Variants in SLC25A21 observed in about 807,000 individuals in gnomAD.
The protein encoded by SLC25A21 is solute carrier family 25 member 21.
SLC25A21 carries 47 observed loss-of-function variants against 43.8 expected under a neutral mutation model. That is an observed-to-expected ratio of 1.07 (90% CI 0.85 to 1.37). The LOEUF (loss-of-function observed/expected upper bound fraction) is 1.37, where lower values mean the gene tolerates loss of function less well. Among genes scored for constraint, SLC25A21 ranks in the 40% most tolerant of loss-of-function variants. The pLI is 0.00. For synonymous variants in SLC25A21, 131 were observed against 121.3 expected, an observed-to-expected ratio of 1.08 and a Z score of -0.52; for missense variants, 352 against 350.2, an observed-to-expected ratio of 1.00 and a Z score of -0.04.
chr14:36,776,642 G>C (rs967854791), intron 3 of SLC25A21, among the ~76,000 whole-genome samples: 1 of 152,076 alleles, frequency 6.6e-6, no homozygotes, highest in African/African-American at 2.4e-5. Flanking sequence ...TGGAAACACA[G>C]TGACTTTTGA....
chr14:37,015,631 T>C (rs1169314415), intron 1 of SLC25A21, among the ~76,000 whole-genome samples: 2 of 151,546 alleles, frequency 1.3e-5, no homozygotes, highest in Admixed American at 6.6e-5. Context: ...ACTTCCACAA[T>C]GGTTGAACTA....
chr14:37,092,493 T>C (rs752817274), intron 1 of SLC25A21, among the ~76,000 whole-genome samples: 17 of 152,178 alleles, frequency 1.1e-4, no homozygotes, highest in Non-Finnish European at 2.9e-5. Context: ...TAGGGTTTTC[T>C]CGAGGTGGAT....
At chr14:37,091,818 G>A (rs879740645) in intron 1 of SLC25A21, among the ~76,000 whole-genome samples, 1 of 152,110 alleles carries the variant, frequency 6.6e-6, no homozygotes, top group Non-Finnish European at 1.5e-5. Context: ...GAAAGCCTCT[G>A]AGTTATTTCC....
intron 1 of SLC25A21, among the ~76,000 whole-genome samples, chr14:37,167,695 T>G (rs1964052680): frequency 6.6e-6 from 1 of 152,100 alleles, no homozygotes; most frequent in Non-Finnish European, 1.5e-5. Flanking sequence ...ATAACATCAC[T>G]ATTGTGAAGC....
At chr14:36,793,416 C>T (rs191853562) in intron 3 of SLC25A21, among the ~76,000 whole-genome samples, 9 of 151,782 alleles carry the variant, frequency 5.9e-5, no homozygotes, top group Admixed American at 5.9e-4. Context: ...TGCCTCTAAG[C>T]ACTGAGGAAA....
intron 1 of SLC25A21, among the ~76,000 whole-genome samples, chr14:37,072,607 C>T (rs956422566): frequency 2.0e-5 from 3 of 152,146 alleles, no homozygotes; most frequent in African/African-American, 7.2e-5. Context: ...CTTAGTTGGG[C>T]GTGGTGGTGC....
At chr14:36,756,211 G>A (rs1387656888) in intron 3 of SLC25A21, among the ~76,000 whole-genome samples, 2 of 152,192 alleles carry the variant, frequency 1.3e-5, no homozygotes, top group African/African-American at 2.4e-5. Context: ...GGAAGCGGGG[G>A]CAGCTGAGGG....
intron 1 of SLC25A21, among the ~76,000 whole-genome samples, chr14:37,106,798 G>C (rs1962922017): frequency 6.6e-6 from 1 of 152,124 alleles, no homozygotes; most frequent in Admixed American, 6.5e-5. Flanking sequence ...AGGCATCACA[G>C]TCCTACCGAT....
chr14:36,988,908 A>G (rs1326168515), intron 1 of SLC25A21, among the ~76,000 whole-genome samples: 5 of 152,248 alleles, frequency 3.3e-5, no homozygotes, highest in African/African-American at 1.2e-4. Context: ...TAGTTTGATA[A>G]TGATGGGATG....
In SLC25A21 at chr14:36,684,834, T is replaced by C. The variant is rs1389068504; in HGVS notation, c.695A>G (p.Lys232Arg). 4 of 1,614,120 alleles carry C rather than the reference T, an allele frequency of 2.5e-6. No homozygotes were observed. In the South Asian group the frequency reaches 4.4e-5, roughly 18 times the overall value. ...SVINIPFDVA[K>R]SRIQGPQPVP... ...TGGTTGAGGCCCTTGAATCCTACTT[T>C]TGGCAACATCAAAAGGGATGTTAAT... Residue 232 changes from lysine to arginine, a missense_variant, in exon 8 of 10, where the codon AAA becomes AGA. Physicochemically the swap from Lys to Arg is conservative, Grantham distance 26 (BLOSUM62 2). Transcript: ENST00000331299.
chr14:36,698,927 C>T (rs545927900), intron 7 of SLC25A21, among the ~76,000 whole-genome samples: 16 of 152,266 alleles, frequency 1.1e-4, no homozygotes, highest in Non-Finnish European at 2.1e-4. Flanking sequence ...TCTGTCAACT[C>T]GTCAAACTCA....
chr14:37,041,236 T>G (rs1566836268), intron 1 of SLC25A21, among the ~76,000 whole-genome samples: 1 of 152,170 alleles, frequency 6.6e-6, no homozygotes, highest in Non-Finnish European at 1.5e-5. Context: ...AAACTTTCAG[T>G]AACCAAGTGC....
At chr14:36,755,931 G>A (rs1885912037) in intron 3 of SLC25A21, among the ~76,000 whole-genome samples, 2 of 152,274 alleles carry the variant, frequency 1.3e-5, no homozygotes, top group African/African-American at 4.8e-5. Flanking sequence ...TTTTCTGCAT[G>A]GCTGAGCCAA....
chr14:36,869,335 A>G (rs1890300813), intron 2 of SLC25A21, among the ~76,000 whole-genome samples: 1 of 152,210 alleles, frequency 6.6e-6, no homozygotes, highest in South Asian at 2.1e-4. Flanking sequence ...AATTATCAAT[A>G]AGCATAAACC....
intron 7 of SLC25A21, among the ~76,000 whole-genome samples, chr14:36,693,032 G>A (rs908592333): frequency 3.9e-5 from 6 of 152,342 alleles, no homozygotes; most frequent in Admixed American, 3.9e-4. Context: ...CACAATAGGT[G>A]AAGTGGAGGT....
chr14:36,876,384 A>G (rs11621922), intron 1 of SLC25A21, among the ~76,000 whole-genome samples: 66,437 of 152,026 alleles, frequency 0.44, 15,967 homozygotes, highest in Non-Finnish European at 0.52. Flanking sequence ...GCTACAACTA[A>G]TAAGATCCAA....
chr14:37,143,613 TG>T (rs1963608098), intron 1 of SLC25A21, among the ~76,000 whole-genome samples: 1 of 151,952 alleles, frequency 6.6e-6, no homozygotes, highest in Non-Finnish European at 1.5e-5. Flanking sequence ...TGTGTGTGTG[TG>T]TGTGTCTGTA....
At chr14:36,901,768 T>C (rs553500871) in intron 1 of SLC25A21, among the ~76,000 whole-genome samples, 1 of 152,300 alleles carries the variant, frequency 6.6e-6, no homozygotes, top group South Asian at 2.1e-4. Flanking sequence ...CCCAAGGATA[T>C]AGAAAGGCAA....
intron 3 of SLC25A21, among the ~76,000 whole-genome samples, chr14:36,769,972 G>C (rs989242747): frequency 6.6e-6 from 1 of 152,136 alleles, no homozygotes; most frequent in Non-Finnish European, 1.5e-5. Flanking sequence ...CAGAGACTTT[G>C]GTATCTTTGA....
Sources: gnomAD v4.1 joint callset for allele counts (sites outside exome capture counted in the v4.1 genomes callset) on GRCh38, gnomAD v4.1.1 for gene constraint, MANE v1.5 for transcripts, NCBI Gene and HGNC (gene_info 2026-07-23, HGNC 2026-07-21) for gene names.